The following LOC128125817 variants were observed in gnomAD, a reference collection of about 807,000 sequenced individuals.
chr1:41,624,364 C>T, the LOC128125817 span, among the ~76,000 whole-genome samples: 1 of 152,202 alleles, frequency 6.6e-6, no homozygotes, highest in Non-Finnish European at 1.5e-5. Flanking sequence ...TAACAGAAAA[C>T]GAGCACGTAC....
chr1:41,616,781 T>C, the LOC128125817 span, among the ~76,000 whole-genome samples: 92,062 of 151,822 alleles, frequency 0.61, 28,219 homozygotes, highest in African/African-American at 0.7. Context: ...AATGGTATCA[T>C]CCTATGTACA....
At chr1:41,624,496 GT>G in the LOC128125817 span, among the ~76,000 whole-genome samples, 1 of 152,158 alleles carries the variant, frequency 6.6e-6, no homozygotes, top group Non-Finnish European at 1.5e-5. Flanking sequence ...GACCTTCACC[GT>G]TGAAATGTAT....
At chr1:41,620,469 C>T in the LOC128125817 span, among the ~76,000 whole-genome samples, 4 of 152,146 alleles carry the variant, frequency 2.6e-5, no homozygotes, top group African/African-American at 9.7e-5. Flanking sequence ...CCTGTCTGAG[C>T]ACTTCTCTGA....
the LOC128125817 span, among the ~76,000 whole-genome samples, chr1:41,593,208 T>A: frequency 2.6e-5 from 4 of 152,196 alleles, no homozygotes; most frequent in Non-Finnish European, 1.5e-5. Flanking sequence ...CTTGGCTCTT[T>A]CCCCTGAATC....
At chr1:41,626,638 G>T in the LOC128125817 span, among the ~76,000 whole-genome samples, 4 of 152,120 alleles carry the variant, frequency 2.6e-5, no homozygotes, top group African/African-American at 9.7e-5. Flanking sequence ...TACACCTCAT[G>T]GAATGAACCC....
the LOC128125817 span, among the ~76,000 whole-genome samples, chr1:41,601,459 T>C: frequency 6.6e-6 from 1 of 152,160 alleles, no homozygotes; most frequent in Admixed American, 6.5e-5. Flanking sequence ...AGTACACAAG[T>C]CTTTCATTTC....
chr1:41,590,653 C>A, the LOC128125817 span, among the ~76,000 whole-genome samples: 1 of 152,214 alleles, frequency 6.6e-6, no homozygotes, highest in Non-Finnish European at 1.5e-5. Context: ...TGAACAAATA[C>A]ACTAACTCAT....
the LOC128125817 span, among the ~76,000 whole-genome samples, chr1:41,590,183 C>T: frequency 2.0e-5 from 3 of 152,190 alleles, no homozygotes; most frequent in Non-Finnish European, 2.9e-5. Flanking sequence ...TGGAGACTAA[C>T]AGGGATTGGT....
the LOC128125817 span, among the ~76,000 whole-genome samples, chr1:41,601,363 T>C: frequency 2.6e-5 from 4 of 152,180 alleles, no homozygotes; most frequent in African/African-American, 4.8e-5. Flanking sequence ...GTTAACAATA[T>C]TAATTCTTCC....
chr1:41,600,347 A>G, the LOC128125817 span, among the ~76,000 whole-genome samples: 126 of 152,348 alleles, frequency 8.3e-4, 1 homozygote, highest in African/African-American at 2.5e-3. Context: ...TGGATAAAAA[A>G]TTCATTCATG....
the LOC128125817 span, among the ~76,000 whole-genome samples, chr1:41,623,331 G>A: frequency 6.6e-6 from 1 of 152,328 alleles, no homozygotes; most frequent in Admixed American, 6.5e-5. Flanking sequence ...AGATAAAAAG[G>A]TGTTTCTCCC....
chr1:41,596,129 C>T, the LOC128125817 span, among the ~76,000 whole-genome samples: 51 of 152,248 alleles, frequency 3.3e-4, no homozygotes, highest in African/African-American at 1.1e-3. Context: ...TGTTTCCACA[C>T]GTCCCCTCCT....
chr1:41,622,228 A>G, the LOC128125817 span, among the ~76,000 whole-genome samples: 28 of 152,328 alleles, frequency 1.8e-4, no homozygotes, highest in African/African-American at 6.7e-4. Context: ...GAACTTGCAT[A>G]TATGACCAGG....
chr1:41,621,152 C>T, the LOC128125817 span, among the ~76,000 whole-genome samples: 2 of 152,232 alleles, frequency 1.3e-5, no homozygotes, highest in Admixed American at 6.5e-5. Context: ...CAGGTGACAC[C>T]AGTCTGAATA....
chr1:41,605,761 C>G, the LOC128125817 span, among the ~76,000 whole-genome samples: 1 of 151,942 alleles, frequency 6.6e-6, no homozygotes, highest in African/African-American at 2.4e-5. Flanking sequence ...GCTGGGGAAA[C>G]CCTAATTGTG....
the LOC128125817 span, among the ~76,000 whole-genome samples, chr1:41,587,442 A>G: frequency 6.6e-6 from 1 of 152,360 alleles, no homozygotes; most frequent in Non-Finnish European, 1.5e-5. Flanking sequence ...CCAAACTGGG[A>G]CACTTGGAGA....
chr1:41,620,402 T>A, the LOC128125817 span, among the ~76,000 whole-genome samples: 1 of 152,340 alleles, frequency 6.6e-6, no homozygotes, highest in South Asian at 2.1e-4. Flanking sequence ...CCTAGGTGAT[T>A]TGGCTGTTCA....
chr1:41,593,763 G>T, the LOC128125817 span, among the ~76,000 whole-genome samples: 113 of 152,214 alleles, frequency 7.4e-4, no homozygotes, highest in Admixed American at 3.0e-3. Flanking sequence ...CAAATTTAGT[G>T]GCTTAATGCA....
chr1:41,603,159 C>T, the LOC128125817 span, among the ~76,000 whole-genome samples: 10 of 152,010 alleles, frequency 6.6e-5, no homozygotes, highest in Admixed American at 2.0e-4. Flanking sequence ...CTCCACCTCC[C>T]GGGTTCAAGC....
Sources: gnomAD v4.1 joint callset for allele counts (sites outside exome capture counted in the v4.1 genomes callset) on GRCh38, gnomAD v4.1.1 for gene constraint, MANE v1.5 for transcripts.